SLC9C1: variants seen among roughly 807,000 people sequenced by gnomAD.
SLC9C1 encodes the protein sodium/hydrogen exchanger 10.
Under a neutral mutation model 140.9 loss-of-function variants are expected in SLC9C1, and 97 were observed. The ratio of observed to expected loss-of-function variants is 0.69; its 90% CI spans 0.58 to 0.82. The LOEUF is 0.82. SLC9C1 is among the 40% of genes least tolerant of loss of function. SLC9C1 has a pLI of 0.00. For missense variants in SLC9C1, 1,340 were observed against 1,389.3 expected, an observed-to-expected ratio of 0.96 and a Z score of 0.56; for synonymous variants, 440 against 442.6, an observed-to-expected ratio of 0.99 and a Z score of 0.07.
At chr3:112,271,409 A>ATATATATATATATATATG (rs1013241776) in intron 6 of SLC9C1, among the ~76,000 whole-genome samples, 1 of 149,302 alleles carries the variant, frequency 6.7e-6, no homozygotes, top group Non-Finnish European at 1.5e-5. Context: ...ATATATATAT[A>ATATATATATATATATATG]TCAAAGCCTC....
At chr3:112,220,767 G>C (rs2078518931) in intron 14 of SLC9C1, among the ~76,000 whole-genome samples, 1 of 152,210 alleles carries the variant, frequency 6.6e-6, no homozygotes, top group South Asian at 2.1e-4. Context: ...TGTGCCTGGA[G>C]GGATTAAGGA....
At chr3:112,230,619 C>G (rs1426492804) in intron 13 of SLC9C1, among the ~76,000 whole-genome samples, 3 of 152,144 alleles carry the variant, frequency 2.0e-5, no homozygotes, top group Non-Finnish European at 2.9e-5. Flanking sequence ...TCATACCCTA[C>G]AGATCTCCCA....
At chr3:112,150,844 T>A (rs867040358) in intron 28 of SLC9C1, among the ~76,000 whole-genome samples, 33 of 89,410 alleles carry the variant, frequency 3.7e-4, no homozygotes, top group Admixed American at 8.4e-4. Flanking sequence ...ATATATATTT[T>A]TTTTTTTTTT....
At chr3:112,168,730 G>T in intron 25 of SLC9C1, 147 bp downstream of exon 25, 1 of 705,718 alleles carries the variant, frequency 1.4e-6, no homozygotes, top group Non-Finnish European at 2.2e-6. Context: ...GTGGTTGTGG[G>T]TATGAGTGAG....
At chr3:112,202,433 G>A in intron 17 of SLC9C1, 34 bp from the exon 18 acceptor site, 1 of 1,545,184 alleles carries the variant, frequency 6.5e-7, no homozygotes, top group Non-Finnish European at 8.7e-7. Flanking sequence ...AATATAAATT[G>A]CACAAATATC....
At chr3:112,271,393 G>GTATGTATATATATATATATATATATA (rs2080070097) in intron 6 of SLC9C1, among the ~76,000 whole-genome samples, 2 of 125,574 alleles carry the variant, frequency 1.6e-5, no homozygotes, top group African/African-American at 2.7e-5. Context: ...ATTCTACATT[G>GTATGTATATATATATATATATATATA]TATATATATA....
At chr3:112,223,809 G>A (rs188058621) in intron 13 of SLC9C1, among the ~76,000 whole-genome samples, 99 of 152,234 alleles carry the variant, frequency 6.5e-4, no homozygotes, top group Non-Finnish European at 1.5e-4. Context: ...ACACATTGTG[G>A]TATTCACTGA....
chr3:112,229,498 G>C (rs772439538), intron 13 of SLC9C1, among the ~76,000 whole-genome samples: 1 of 151,828 alleles, frequency 6.6e-6, no homozygotes, highest in African/African-American at 2.4e-5. Flanking sequence ...TTACCCTCTT[G>C]ACCCTAAATT....
chr3:112,201,214 C>A (rs1252403880), intron 18 of SLC9C1, among the ~76,000 whole-genome samples: 1 of 151,770 alleles, frequency 6.6e-6, no homozygotes, highest in East Asian at 1.9e-4. Flanking sequence ...TATGAGAGCC[C>A]CCAGATTTGT....
Position 112,214,943 on chromosome 3 carries a change from C to T in SLC9C1, c.1790+2499G>A, listed in dbSNP as rs181529484. On this transcript the variant is annotated intron_variant, in intron 15 of 28. Transcript: ENST00000305815. ...TTAGACCAATATTCCTGATGAACAT[C>T]GATGCAAAAATCCTCAATAAAATAC... is the stretch of plus-strand genomic sequence containing the variant. 7.2e-4 allele frequency among the ~76,000 whole-genome samples: 110 copies of T among 152,214 alleles called. 2 individuals carry two copies. Among genetic ancestry groups the T allele is most frequent in the African/African-American group, 2.4e-3 (98 of 41,536 alleles).
chr3:112,155,882 A>G (rs955252130), intron 26 of SLC9C1, among the ~76,000 whole-genome samples: 1 of 152,064 alleles, frequency 6.6e-6, no homozygotes, highest in African/African-American at 2.4e-5. Flanking sequence ...TATTTTATTG[A>G]TATATATTAG....
At chr3:112,289,678 A>G (rs1258378883) in intron 1 of SLC9C1, among the ~76,000 whole-genome samples, 3 of 152,204 alleles carry the variant, frequency 2.0e-5, no homozygotes, top group African/African-American at 4.8e-5. Context: ...ACTGAGTCCT[A>G]TCTCTGAGTA....
intron 10 of SLC9C1, among the ~76,000 whole-genome samples, chr3:112,246,668 T>C (rs1448411980): frequency 6.6e-6 from 1 of 152,182 alleles, no homozygotes; most frequent in Non-Finnish European, 1.5e-5. Context: ...TTTTTAGATG[T>C]CCTTAAATTA....
intron 14 of SLC9C1, 149 bp downstream of exon 14, chr3:112,220,979 A>G (rs1281884592): frequency 9.4e-6 from 5 of 529,936 alleles, no homozygotes; most frequent in Non-Finnish European, 1.6e-5. Context: ...AGGGTGGGGT[A>G]TAGAGCAGAC....
intron 13 of SLC9C1, among the ~76,000 whole-genome samples, chr3:112,224,964 C>G (rs767080537): frequency 5.3e-5 from 8 of 151,904 alleles, no homozygotes; most frequent in Non-Finnish European, 8.8e-5. Context: ...GCATAGAAAA[C>G]ATATTTAATA....
intron 11 of SLC9C1, 62 bp downstream of exon 11, chr3:112,243,933 C>A (rs1024491685): frequency 6.2e-5 from 70 of 1,123,500 alleles, no homozygotes; most frequent in Non-Finnish European, 8.3e-5. Context: ...TTATTATTAG[C>A]ACTTCTTTAC....
intron 20 of SLC9C1, among the ~76,000 whole-genome samples, chr3:112,198,313 T>C (rs2077817788): frequency 6.6e-6 from 1 of 152,022 alleles, no homozygotes; most frequent in East Asian, 1.9e-4. Flanking sequence ...ATTATTTTAT[T>C]AATCCTACTG....
At chr3:112,278,965 A>G (rs1390756366) in intron 3 of SLC9C1, 108 bp from the exon 4 acceptor site, 1 of 1,121,976 alleles carries the variant, frequency 8.9e-7, no homozygotes, top group Non-Finnish European at 1.3e-6. Context: ...TTTTTAAAAG[A>G]TATATCACAC....
intron 15 of SLC9C1, among the ~76,000 whole-genome samples, chr3:112,212,212 CCAT>C (rs2078228148): frequency 6.6e-6 from 1 of 152,118 alleles, no homozygotes; most frequent in South Asian, 2.1e-4. Flanking sequence ...CTGTACGTCA[CCAT>C]CATCAAAGAC....
Sources: gnomAD v4.1 joint callset for allele counts (sites outside exome capture counted in the v4.1 genomes callset) on GRCh38, gnomAD v4.1.1 for gene constraint, MANE v1.5 for transcripts, NCBI Gene and HGNC (gene_info 2026-07-23, HGNC 2026-07-21) for gene names.